The following ACTR3C variants were observed in gnomAD, a reference collection of about 807,000 sequenced individuals.
The protein encoded by ACTR3C is actin related protein 3C, also known as actin-related protein 3C.
A neutral mutation model predicts 26.3 loss-of-function variants in ACTR3C; 18 were observed. The observed-to-expected ratio is 0.68, with a 90% CI of 0.47 to 1.01. The LOEUF (loss-of-function observed/expected upper bound fraction) is 1.01, where lower values mean the gene tolerates loss of function less well. Among genes scored for constraint, ACTR3C ranks in the 50% least tolerant of loss-of-function variants. The pLI, the probability that ACTR3C is intolerant of heterozygous loss-of-function variation, is 0.00. For synonymous variants in ACTR3C, 55 were observed against 94.5 expected (o/e 0.58, Z 2.42); for missense variants, 184 against 250.7 (o/e 0.73, Z 1.80).
At chr7:150,146,709 C>T in the ACTR3C span, among the ~76,000 whole-genome samples, 1 of 152,126 alleles carries the variant, frequency 6.6e-6, no homozygotes, top group Admixed American at 6.6e-5. Flanking sequence ...TGGTTCTCTC[C>T]CATTCTAAAG....
the ACTR3C span, among the ~76,000 whole-genome samples, chr7:149,899,721 T>C: frequency 6.7e-6 from 1 of 149,922 alleles, no homozygotes; most frequent in Non-Finnish European, 1.5e-5. Context: ...CCAGAAGGTA[T>C]GCAAAGAAAC....
the ACTR3C span, among the ~76,000 whole-genome samples, chr7:150,136,468 G>A: frequency 8.5e-3 from 1,286 of 152,068 alleles, 27 homozygotes; most frequent in African/African-American, 0.029. Context: ...TCAGGAGTTC[G>A]AGATCAGCTT....
the ACTR3C span, among the ~76,000 whole-genome samples, chr7:150,225,611 T>C: frequency 2.0e-5 from 3 of 152,250 alleles, no homozygotes; most frequent in South Asian, 6.2e-4. Context: ...GACTGTGTCT[T>C]ACAGACTCAA....
At chr7:150,199,572 C>A in the ACTR3C span, among the ~76,000 whole-genome samples, 1 of 119,794 alleles carries the variant, frequency 8.3e-6, no homozygotes, top group Admixed American at 8.7e-5. Context: ...GCCAAATCCC[C>A]CTCTGTGAGA....
chr7:149,899,639 C>A, the ACTR3C span, among the ~76,000 whole-genome samples: 1,466 of 145,840 alleles, frequency 0.01, no homozygotes, highest in African/African-American at 0.035. Context: ...TCAGGGACAT[C>A]TGGGATATAT....
the ACTR3C span, among the ~76,000 whole-genome samples, chr7:150,150,740 T>C: frequency 9.6e-3 from 1,336 of 138,978 alleles, 124 homozygotes; most frequent in African/African-American, 0.031. Context: ...TTATATCTGC[T>C]TTGTTCTTCC....
the ACTR3C span, among the ~76,000 whole-genome samples, chr7:149,906,294 T>C: frequency 4.0e-5 from 6 of 151,258 alleles, no homozygotes; most frequent in South Asian, 2.1e-4. Context: ...AGAGGGCTGA[T>C]ACTCAACCTA....
the ACTR3C span, among the ~76,000 whole-genome samples, chr7:150,069,978 C>T: frequency 4.6e-5 from 7 of 152,080 alleles, no homozygotes; most frequent in Admixed American, 2.0e-4. Context: ...AAGAGGAGAG[C>T]GTCAGATCCA....
At chr7:150,070,135 T>C in the ACTR3C span, among the ~76,000 whole-genome samples, 16 of 152,184 alleles carry the variant, frequency 1.1e-4, no homozygotes, top group African/African-American at 3.1e-4. Context: ...CAGGAAGCAC[T>C]GTTATGATGC....
the ACTR3C span, among the ~76,000 whole-genome samples, chr7:150,022,477 C>T: frequency 2.6e-5 from 4 of 151,644 alleles, no homozygotes; most frequent in African/African-American, 9.7e-5. Flanking sequence ...TTATGAAAGG[C>T]ATATACCAAT....
At chr7:150,196,558 T>C in the ACTR3C span, among the ~76,000 whole-genome samples, 1 of 152,238 alleles carries the variant, frequency 6.6e-6, no homozygotes, top group Non-Finnish European at 1.5e-5. Context: ...TAGACAGGTC[T>C]GTGTCTAAGT....
the ACTR3C span, among the ~76,000 whole-genome samples, chr7:149,984,160 TG>T: frequency 6.6e-6 from 1 of 152,088 alleles, no homozygotes; most frequent in Non-Finnish European, 1.5e-5. Context: ...TGTTTAGTTA[TG>T]TTTTTTTCCC....
At chr7:150,132,459 G>A in the ACTR3C span, among the ~76,000 whole-genome samples, 6 of 152,190 alleles carry the variant, frequency 3.9e-5, no homozygotes, top group Admixed American at 1.3e-4. Flanking sequence ...GAACAGACAC[G>A]TCTCAAAAGA....
intron 6 of ACTR3C, among the ~76,000 whole-genome samples, chr7:150,249,999 C>G (rs1832719228): frequency 6.6e-6 from 1 of 152,098 alleles, no homozygotes; most frequent in Non-Finnish European, 1.5e-5. Context: ...TCGCAGTGCT[C>G]TGCATGTCGC....
At chr7:150,082,977 A>C in the ACTR3C span, among the ~76,000 whole-genome samples, 1 of 117,398 alleles carries the variant, frequency 8.5e-6, no homozygotes, top group Non-Finnish European at 1.6e-5. Flanking sequence ...ACAAGGGCTC[A>C]CTCTGTCATC....
the ACTR3C span, among the ~76,000 whole-genome samples, chr7:149,960,640 C>T: frequency 2.0e-5 from 3 of 151,938 alleles, no homozygotes; most frequent in Non-Finnish European, 2.9e-5. Context: ...GTCTTGGAGT[C>T]GACTGTCATT....
chr7:149,905,764 AC>A, the ACTR3C span, among the ~76,000 whole-genome samples: 1 of 152,066 alleles, frequency 6.6e-6, no homozygotes, highest in African/African-American at 2.4e-5. Context: ...CATTAGACTG[AC>A]CAAAATGTGA....
At chr7:150,006,699 G>T in the ACTR3C span, among the ~76,000 whole-genome samples, 11 of 151,794 alleles carry the variant, frequency 7.2e-5, no homozygotes, top group Non-Finnish European at 1.3e-4. Flanking sequence ...ACCAGAAGCA[G>T]CAAGTCCAGC....
intron 6 of ACTR3C, among the ~76,000 whole-genome samples, chr7:150,253,196 G>A (rs1213336141): frequency 6.6e-6 from 1 of 152,184 alleles, no homozygotes; most frequent in Non-Finnish European, 1.5e-5. Flanking sequence ...AGAAGATAAA[G>A]TCATGCATGG....
Sources: allele counts gnomAD v4.1 joint callset (sites outside exome capture counted in the v4.1 genomes callset), GRCh38; gene constraint gnomAD v4.1.1; transcripts MANE v1.5; gene names NCBI Gene and HGNC (gene_info 2026-07-23, HGNC 2026-07-21).